CRYL1: variants seen among roughly 807,000 people sequenced by gnomAD.
CRYL1 encodes the protein crystallin lambda 1.
In CRYL1, 29 loss-of-function variants were observed where a neutral mutation model predicts 36.6. The ratio of observed to expected loss-of-function variants is 0.79; its 90% CI spans 0.59 to 1.08. The LOEUF (loss-of-function observed/expected upper bound fraction) is 1.08, where lower values mean the gene tolerates loss of function less well. CRYL1 is among the 50% of genes least tolerant of loss of function. The pLI, the probability that CRYL1 is intolerant of heterozygous loss-of-function variation, is 0.00. For synonymous variants in CRYL1, 152 were observed against 151.5 expected (o/e 1.00, Z -0.02); for missense variants, 411 against 407.9 (o/e 1.01, Z -0.06).
At chr13:20,430,517 G>C in intron 5 of CRYL1, 1 of 985,402 alleles carries the variant, frequency 1.0e-6, no homozygotes, top group African/African-American at 1.7e-5. Flanking sequence ...GACATCGTGA[G>C]TCAGCAGAAC....
chr13:20,501,128 A>C (rs1244870120), intron 2 of CRYL1, among the ~76,000 whole-genome samples: 1 of 152,212 alleles, frequency 6.6e-6, no homozygotes, highest in African/African-American at 2.4e-5. Flanking sequence ...CCTTGGCTGC[A>C]GCAGCCGATT....
intron 2 of CRYL1, among the ~76,000 whole-genome samples, chr13:20,499,795 A>C (rs1343327034): frequency 6.6e-6 from 1 of 152,226 alleles, no homozygotes; most frequent in Non-Finnish European, 1.5e-5. Context: ...ATATGTTGTC[A>C]GTAATAATTA....
In CRYL1 at chr13:20,439,520, A is replaced by G. The variant is rs2032305908; in HGVS notation, c.438+73T>C. 6.5e-6 allele frequency: 6 copies of G among 921,486 alleles called. No homozygotes were observed. The South Asian group carries it at 7.6e-5, about 12-fold the overall frequency. 57.1% of individuals were successfully genotyped at this position (921,486 alleles called of 1,614,324 possible). On this transcript the variant is annotated intron_variant, in intron 4 of 7. Coordinates refer to ENST00000298248, the MANE Select transcript of CRYL1 (RefSeq NM_015974.3). ...TATTGACCCCCCTCCCCCGCAAAAAAAAAAAAAAAAGAAAAAAAAAAAACA... is the reference window on the plus strand; with the variant it reads ...TATTGACCCCCCTCCCCCGCAAAAAGAAAAAAAAAAGAAAAAAAAAAAACA...
chr13:20,422,640 G>T (rs997340650), intron 5 of CRYL1, among the ~76,000 whole-genome samples: 1 of 152,202 alleles, frequency 6.6e-6, no homozygotes, highest in African/African-American at 2.4e-5. Flanking sequence ...GGAGGAGAAA[G>T]CTTTACAAAT....
chr13:20,517,703 G>T (rs529957419), intron 1 of CRYL1, among the ~76,000 whole-genome samples: 1 of 152,084 alleles, frequency 6.6e-6, no homozygotes, highest in African/African-American at 2.4e-5. Flanking sequence ...TTGGGAGGCC[G>T]AGGCGGGTGG....
intron 6 of CRYL1, among the ~76,000 whole-genome samples, chr13:20,407,823 G>A (rs1043353101): frequency 3.3e-5 from 5 of 152,134 alleles, no homozygotes; most frequent in African/African-American, 1.2e-4. Flanking sequence ...GCGAGCCTTG[G>A]GCTGTGGGCC....
chr13:20,426,647 A>G (rs2031940180), intron 5 of CRYL1: 1 of 978,158 alleles, frequency 1.0e-6, no homozygotes, highest in African/African-American at 1.8e-5. Context: ...GTATGTGCAT[A>G]CAAATGATAT....
chr13:20,520,834 G>C (rs924186211), intron 1 of CRYL1, among the ~76,000 whole-genome samples: 2 of 152,120 alleles, frequency 1.3e-5, no homozygotes, highest in Non-Finnish European at 2.9e-5. Flanking sequence ...GGCCGGGCAC[G>C]GTGGCTCACG....
chr13:20,487,642 A>G (rs192716034), intron 3 of CRYL1, among the ~76,000 whole-genome samples: 31 of 152,270 alleles, frequency 2.0e-4, no homozygotes, highest in African/African-American at 7.5e-4. Flanking sequence ...GGCTGGGAAC[A>G]GTGGTTTATG....
intron 3 of CRYL1, among the ~76,000 whole-genome samples, chr13:20,451,521 A>G (rs1430321040): frequency 6.6e-6 from 1 of 152,194 alleles, no homozygotes; most frequent in African/African-American, 2.4e-5. Flanking sequence ...CAAATAGCCA[A>G]CAAACATGAA....
intron 2 of CRYL1, among the ~76,000 whole-genome samples, chr13:20,508,874 AACAAAAAAAAAAAAC>A (rs1165244551): frequency 7.1e-5 from 1 of 13,992 alleles, no homozygotes; most frequent in African/African-American, 1.3e-4. Flanking sequence ...AAAAAAAAAA[AACAAAAAAAAAAAAC>A]TGACAACAAC....
Position 20,486,153 on chromosome 13 carries a change from C to T in CRYL1, c.276+3217G>A, listed in dbSNP as rs566415069. Among the ~76,000 whole-genome samples, 207 of 152,232 alleles carry T rather than the reference C, an allele frequency of 1.4e-3. 1 individual carries two copies. Among genetic ancestry groups the T allele is most frequent in the African/African-American group, 4.6e-3 (191 of 41,532 alleles). ...CAGGCTGGTCTTGAACTCCTGAGCT[C>T]GAGCAATCCGCCACCCTCAGCCTCC... On this transcript the variant is annotated intron_variant, in intron 3 of 7. Coordinates refer to ENST00000298248, the MANE Select transcript of CRYL1 (RefSeq NM_015974.3).
chr13:20,414,238 C>G (rs1362762123), intron 5 of CRYL1, among the ~76,000 whole-genome samples: 1 of 149,928 alleles, frequency 6.7e-6, no homozygotes, highest in Admixed American at 6.6e-5. Context: ...CATATGTATA[C>G]ACTAAAAAGA....
chr13:20,490,986 G>T (rs1369267116), intron 2 of CRYL1, among the ~76,000 whole-genome samples: 2 of 152,148 alleles, frequency 1.3e-5, no homozygotes, highest in Non-Finnish European at 2.9e-5. Flanking sequence ...ACTCGCCATA[G>T]CCTCGACCTC....
intron 3 of CRYL1, among the ~76,000 whole-genome samples, chr13:20,479,724 G>A (rs12431199): frequency 0.024 from 3,664 of 152,202 alleles, 190 homozygotes; most frequent in Admixed American, 0.13. Context: ...ATTGAATTAG[G>A]CATGTCTTCC....
At chr13:20,453,584 C>T (rs73443952) in intron 3 of CRYL1, among the ~76,000 whole-genome samples, 4,964 of 151,578 alleles carry the variant, frequency 0.033, 261 homozygotes, top group African/African-American at 0.11. Context: ...TTAATCCAAC[C>T]CTCTATCTTC....
chr13:20,459,141 C>T (rs1015969339), intron 3 of CRYL1, among the ~76,000 whole-genome samples: 1 of 145,658 alleles, frequency 6.9e-6, no homozygotes, highest in Non-Finnish European at 1.5e-5. Flanking sequence ...GAGGCTGAGG[C>T]AGGAGAATGG....
At chr13:20,505,638 G>A (rs538466078) in intron 2 of CRYL1, among the ~76,000 whole-genome samples, 1 of 152,134 alleles carries the variant, frequency 6.6e-6, no homozygotes, top group Non-Finnish European at 1.5e-5. Flanking sequence ...AGGGACACTG[G>A]GGGTGTGATG....
chr13:20,518,146 C>T (rs1368310374), intron 1 of CRYL1, among the ~76,000 whole-genome samples: 1 of 151,666 alleles, frequency 6.6e-6, no homozygotes, highest in Non-Finnish European at 1.5e-5. Flanking sequence ...TAGAAGGCAA[C>T]GATGACTCAC....
Sources: gnomAD v4.1 joint callset for allele counts (sites outside exome capture counted in the v4.1 genomes callset) on GRCh38, gnomAD v4.1.1 for gene constraint, MANE v1.5 for transcripts, NCBI Gene and HGNC (gene_info 2026-07-23, HGNC 2026-07-21) for gene names.